The following GRIP1 variants were observed in gnomAD, a reference collection of about 807,000 sequenced individuals.
The protein encoded by GRIP1 is glutamate receptor-interacting protein 1.
A neutral mutation model predicts 129.9 loss-of-function variants in GRIP1; 45 were observed. The ratio of observed to expected loss-of-function variants is 0.35; its 90% confidence interval spans 0.27 to 0.44. The LOEUF (loss-of-function observed/expected upper bound fraction) is 0.44, where lower values mean the gene tolerates loss of function less well. GRIP1 is among the 20% of genes least tolerant of loss of function. The probability of loss-of-function intolerance (pLI) is 1.00; values close to 1 mark genes in which losing one functional copy is unlikely to be tolerated. For missense variants in GRIP1, 1,196 were observed against 1,396.8 expected (o/e 0.86, Z 2.29); for synonymous variants, 530 against 520.8 (o/e 1.02, Z -0.24).
chr12:66,377,638 C>CTTTTTTTTTTTTTTTTT (rs3045282), intron 20 of GRIP1, among the ~76,000 whole-genome samples: 4 of 124,612 alleles, frequency 3.2e-5, no homozygotes, highest in African/African-American at 1.3e-4. Context: ...CGCACCCGGC[C>CTTTTTTTTTTTTTTTTT]TTTTTTTTTT....
intron 3 of GRIP1, 64 bp from the exon 4 acceptor site, chr12:66,539,287 T>A (rs983377251): frequency 1.9e-6 from 3 of 1,604,570 alleles, no homozygotes; most frequent in Non-Finnish European, 2.6e-6. Context: ...TGACTATATT[T>A]CCACTTTCCC....
chr12:66,511,921 T>C (rs1234837809), intron 7 of GRIP1, among the ~76,000 whole-genome samples: 1 of 152,164 alleles, frequency 6.6e-6, no homozygotes, highest in African/African-American at 2.4e-5. Context: ...ATCCCACATG[T>C]TGCTGGAGGG....
At chr12:66,615,238 CAAGT>C (rs1449882549) in intron 1 of GRIP1, among the ~76,000 whole-genome samples, 1 of 152,148 alleles carries the variant, frequency 6.6e-6, no homozygotes, top group African/African-American at 2.4e-5. Context: ...ATAAGCCAAA[CAAGT>C]AAGATCCTTT....
intron 1 of GRIP1, among the ~76,000 whole-genome samples, chr12:66,612,702 T>C (rs1055261765): frequency 2.0e-5 from 3 of 152,036 alleles, no homozygotes; most frequent in African/African-American, 7.2e-5. Flanking sequence ...GGTACAAATA[T>C]GACACTATAA....
At chr12:67,060,847 G>GAAAAA (rs1565661363) in intron 1 of GRIP1, among the ~76,000 whole-genome samples, 21 of 146,722 alleles carry the variant, frequency 1.4e-4, no homozygotes, top group African/African-American at 5.1e-4. Flanking sequence ...AAAAAAAAAT[G>GAAAAA]TGTTGGCAGT....
At chr12:66,395,578 A>G (rs774347032) in intron 16 of GRIP1, among the ~76,000 whole-genome samples, 2 of 152,216 alleles carry the variant, frequency 1.3e-5, no homozygotes, top group African/African-American at 2.4e-5. Context: ...TTGGGAAGCA[A>G]TGTGTCCTCT....
chr12:67,010,208 G>GA (rs1358949021), intron 1 of GRIP1, among the ~76,000 whole-genome samples: 2 of 151,988 alleles, frequency 1.3e-5, no homozygotes, highest in East Asian at 1.9e-4. Context: ...TAATATAAAA[G>GA]AAAAAAATTT....
chr12:66,961,248 A>G (rs1279029376), intron 1 of GRIP1, among the ~76,000 whole-genome samples: 1 of 152,116 alleles, frequency 6.6e-6, no homozygotes. Context: ...AGGGAGGAAC[A>G]CCAGGGGAGA....
At chr12:66,528,134 G>GTTTTTTTTTTTTT (rs59443918) in intron 5 of GRIP1, among the ~76,000 whole-genome samples, 1,009 of 99,000 alleles carry the variant, frequency 0.01, 75 homozygotes, top group African/African-American at 0.045. Context: ...GAATTAGTAG[G>GTTTTTTTTTTTTT]TTTTTTTTTT....
chr12:66,719,194 A>C (rs1183562341), intron 1 of GRIP1, among the ~76,000 whole-genome samples: 4 of 152,166 alleles, frequency 2.6e-5, no homozygotes, highest in African/African-American at 9.7e-5. Context: ...CTGTTTCTCA[A>C]CTTGAAGGCT....
chr12:66,417,248 T>C (rs1424736441), intron 15 of GRIP1, among the ~76,000 whole-genome samples: 3 of 152,124 alleles, frequency 2.0e-5, no homozygotes, highest in Non-Finnish European at 4.4e-5. Flanking sequence ...CATCCCTTCA[T>C]GATAAAAATC....
chr12:66,512,282 G>A (rs1473095834), intron 7 of GRIP1, among the ~76,000 whole-genome samples: 5 of 152,148 alleles, frequency 3.3e-5, no homozygotes, highest in African/African-American at 9.7e-5. Flanking sequence ...TTTGGAACTC[G>A]ATAACAGGCA....
At chr12:66,968,193 A>C (rs2042023641) in intron 1 of GRIP1, among the ~76,000 whole-genome samples, 2 of 152,148 alleles carry the variant, frequency 1.3e-5, no homozygotes, top group South Asian at 4.1e-4. Context: ...TATCAGTCTT[A>C]ATGTCCCTAT....
intron 1 of GRIP1, among the ~76,000 whole-genome samples, chr12:66,901,783 A>T (rs1186991340): frequency 6.6e-6 from 1 of 152,204 alleles, no homozygotes; most frequent in Non-Finnish European, 1.5e-5. Context: ...ACACGGAGCA[A>T]CAGGAAGGGC....
chr12:66,802,261 C>T (rs886439452), intron 1 of GRIP1, among the ~76,000 whole-genome samples: 5 of 152,092 alleles, frequency 3.3e-5, no homozygotes, highest in Admixed American at 6.5e-5. Flanking sequence ...TTGCAACTAA[C>T]TCCACAAGTT....
At chr12:66,889,648 C>T (rs1295478259) in intron 1 of GRIP1, among the ~76,000 whole-genome samples, 1 of 152,138 alleles carries the variant, frequency 6.6e-6, no homozygotes, top group Non-Finnish European at 1.5e-5. Flanking sequence ...TAATTGACTT[C>T]CAAATTTTGA....
At chr12:66,419,863 A>AG (rs1252167568) in intron 15 of GRIP1, among the ~76,000 whole-genome samples, 4 of 152,222 alleles carry the variant, frequency 2.6e-5, no homozygotes, top group Non-Finnish European at 5.9e-5. Context: ...TGGGAGGCTG[A>AG]GGTGGGTGGA....
intron 1 of GRIP1, among the ~76,000 whole-genome samples, chr12:66,964,498 T>C (rs904402392): frequency 1.3e-5 from 2 of 152,150 alleles, no homozygotes; most frequent in Non-Finnish European, 2.9e-5. Context: ...TTCCCAAGCA[T>C]GCCATGCCCC....
chr12:66,908,506 T>C (rs2040973826), intron 1 of GRIP1, among the ~76,000 whole-genome samples: 1 of 152,124 alleles, frequency 6.6e-6, no homozygotes, highest in African/African-American at 2.4e-5. Flanking sequence ...GTTAGAACGG[T>C]TTCAGAATGG....
Sources: allele counts gnomAD v4.1 joint callset (sites outside exome capture counted in the v4.1 genomes callset), GRCh38; gene constraint gnomAD v4.1.1; transcripts MANE v1.5; gene names NCBI Gene and HGNC (gene_info 2026-07-23, HGNC 2026-07-21).